PTPRJ: variants seen among roughly 807,000 people sequenced by gnomAD.
The protein encoded by PTPRJ is protein tyrosine phosphatase receptor type J.
PTPRJ carries 129 observed loss-of-function variants against 141.3 expected under a neutral mutation model. The ratio of observed to expected loss-of-function variants is 0.91; its 90% confidence interval spans 0.79 to 1.06. PTPRJ has a LOEUF of 1.06. Among genes scored for constraint, PTPRJ ranks in the 50% least tolerant of loss-of-function variants. The pLI is 0.00. For missense variants in PTPRJ, 1,601 were observed against 1,679.7 expected, an observed-to-expected ratio of 0.95 and a Z score of 0.82; for synonymous variants, 610 against 640.5, an observed-to-expected ratio of 0.95 and a Z score of 0.72.
At chr11:47,989,541 G>A (rs1048547034) in intron 1 of PTPRJ, among the ~76,000 whole-genome samples, 2 of 151,470 alleles carry the variant, frequency 1.3e-5, no homozygotes. Flanking sequence ...GCCTCCCAAA[G>A]TGCTGAGATT....
At chr11:48,056,674 C>T (rs1472358096) in intron 1 of PTPRJ, among the ~76,000 whole-genome samples, 1 of 152,156 alleles carries the variant, frequency 6.6e-6, no homozygotes, top group Admixed American at 6.5e-5. Flanking sequence ...ACTCGGCAGC[C>T]AGGTGTGGTG....
At chr11:48,027,702 G>T (rs1853857730) in intron 1 of PTPRJ, among the ~76,000 whole-genome samples, 1 of 141,698 alleles carries the variant, frequency 7.1e-6, no homozygotes, top group East Asian at 2.3e-4. Flanking sequence ...TGAGGCGGGA[G>T]AATTGTTTGA....
At position 48,035,538 on chromosome 11, in the gene PTPRJ, C is replaced by CTTTTTTTT. The variant is rs66504227; in HGVS notation, c.96+54550_96+54557dup. On this transcript the variant is annotated intron_variant, in intron 1 of 24. Coordinates refer to ENST00000418331, the MANE Select transcript of PTPRJ (RefSeq NM_002843.4). ...TTTCTTTTCTTTTTTCTTTCTTCTT[C>CTTTTTTTT]TTTTTTTTTTTTTTTTTTTTTTTTT... 3.8e-3 allele frequency among the ~76,000 whole-genome samples: 235 copies of CTTTTTTTT among 61,726 alleles called. 1 individual carries two copies. The highest frequency in any genetic ancestry group is 4.5e-3 in the Non-Finnish European group (151 of 33,804). 40.5% of individuals were successfully genotyped at this position (61,726 alleles called of 152,430 possible).
rs189460553 is a variant in PTPRJ at position 48,003,558 on chromosome 11, C to T, written c.96+22550C>T. On this transcript the variant is annotated intron_variant, in intron 1 of 24. Coordinates refer to ENST00000418331, the MANE Select transcript of PTPRJ (RefSeq NM_002843.4). The stretch of plus-strand genomic sequence containing the variant: ...TCTCCCAGGCTGGAGTGCTGTGGCA[C>T]GATCTTGGTTCACTGCAACGTCCGC... 4.0e-3 allele frequency among the ~76,000 whole-genome samples: 613 copies of T among 152,214 alleles called. 2 individuals are homozygous for T. Among genetic ancestry groups the T allele is most frequent in the African/African-American group, 0.014 (564 of 41,532 alleles).
intron 19 of PTPRJ, among the ~76,000 whole-genome samples, chr11:48,154,170 A>G (rs1297045478): frequency 1.3e-5 from 2 of 152,264 alleles, no homozygotes; most frequent in Non-Finnish European, 2.9e-5. Flanking sequence ...CCAAGGTTAC[A>G]CAGGTAGTGA....
chr11:48,061,268 G>T (rs1199174681), intron 1 of PTPRJ, among the ~76,000 whole-genome samples: 2 of 152,178 alleles, frequency 1.3e-5, no homozygotes, highest in Non-Finnish European at 2.9e-5. Flanking sequence ...GAGCCACTGT[G>T]CCTGGCCCTC....
chr11:48,069,103 CT>C (rs150807752), intron 1 of PTPRJ, among the ~76,000 whole-genome samples: 13,540 of 142,688 alleles, frequency 0.095, 1,057 homozygotes, highest in African/African-American at 0.22. Context: ...TTCAAATGTT[CT>C]TTTTTTTTTT....
At chr11:48,147,548 A>T (rs996480497) in intron 15 of PTPRJ, among the ~76,000 whole-genome samples, 4 of 152,214 alleles carry the variant, frequency 2.6e-5, no homozygotes, top group African/African-American at 9.6e-5. Flanking sequence ...GAATTATCGC[A>T]TGCATGAGGC....
chr11:48,103,331 CAT>C (rs779030873), intron 1 of PTPRJ, among the ~76,000 whole-genome samples: 6 of 152,190 alleles, frequency 3.9e-5, no homozygotes, highest in Admixed American at 2.0e-4. Context: ...TAGTGGGACA[CAT>C]GTGTAGTTTG....
chr11:48,157,785 A>G (rs1415507882), intron 21 of PTPRJ, among the ~76,000 whole-genome samples: 1 of 152,208 alleles, frequency 6.6e-6, no homozygotes, highest in Admixed American at 6.5e-5. Flanking sequence ...GTTGCTTGTG[A>G]TAGAGGGTGG....
At chr11:48,103,360 G>A (rs534945422) in intron 1 of PTPRJ, among the ~76,000 whole-genome samples, 3 of 152,226 alleles carry the variant, frequency 2.0e-5, no homozygotes, top group Non-Finnish European at 4.4e-5. Context: ...TCGGAAGGCT[G>A]AGGCTGGGGG....
intron 1 of PTPRJ, among the ~76,000 whole-genome samples, chr11:47,995,466 G>A (rs1854310303): frequency 6.6e-6 from 1 of 152,194 alleles, no homozygotes; most frequent in Non-Finnish European, 1.5e-5. Context: ...CAGGTGGGAA[G>A]GCTGTCTTTC....
intron 19 of PTPRJ, among the ~76,000 whole-genome samples, chr11:48,155,065 C>G (rs1288448799): frequency 6.6e-6 from 1 of 152,176 alleles, no homozygotes; most frequent in South Asian, 2.1e-4. Context: ...CTGACACTTG[C>G]AGTTCTAAGG....
At chr11:48,010,189 T>C (rs979937648) in intron 1 of PTPRJ, among the ~76,000 whole-genome samples, 61 of 152,068 alleles carry the variant, frequency 4.0e-4, no homozygotes, top group African/African-American at 1.2e-3. Flanking sequence ...ATTTATTTAT[T>C]TTTTTTGAGA....
At position 48,099,804 on chromosome 11, in the gene PTPRJ, T is replaced by G. The variant is rs541474429; in HGVS notation, c.97-10254T>G. ...GGGTTTGCCTTGAATTTGTTTTGCC[T>G]TTGCTGATGGTTGTATTTAGGTTAT... On this transcript the variant is annotated intron_variant, in intron 1 of 24. Transcript: ENST00000418331. 9.3e-4 allele frequency among the ~76,000 whole-genome samples: 142 copies of G among 152,294 alleles called. 1 individual carries two copies. The highest frequency in any genetic ancestry group is 3.4e-3 in the African/African-American group (141 of 41,568).
chr11:48,123,896 C>T lies in PTPRJ; in HGVS notation c.874+26C>T, dbSNP rs753779653. Reference sequence around the variant, plus strand: ...GTGAGTTACAAAGGGTACCTTCCGTCTCCCTTACTGGTTCTTACTTTCAGT... The same window carrying T: ...GTGAGTTACAAAGGGTACCTTCCGTTTCCCTTACTGGTTCTTACTTTCAGT... On this transcript the variant is annotated intron_variant, in intron 5 of 24. Coordinates refer to ENST00000418331, the MANE Select transcript of PTPRJ (RefSeq NM_002843.4). 5.0e-6 allele frequency: 8 copies of T among 1,604,138 alleles called. No homozygotes were observed. The Admixed American group carries it at 1.4e-4, about 27-fold the overall frequency.
In PTPRJ at chr11:48,110,086, C is replaced by G. The variant is rs1856401164; in HGVS notation, c.115+10C>G. 1.2e-6 allele frequency: 2 copies of G among 1,612,656 alleles called. No homozygotes were observed. Among genetic ancestry groups the G allele is most frequent in the Admixed American group, 1.7e-5 (1 of 59,996 alleles). The stretch of plus-strand genomic sequence containing the variant: ...CTGTGCGCAGGTGGCAGTGAGTACC[C>G]TTTTCCTCTCTATTCTTGTGTTGTT... On this transcript the variant is annotated intron_variant, in intron 2 of 24. Coordinates refer to ENST00000418331, the MANE Select transcript of PTPRJ (RefSeq NM_002843.4).
intron 8 of PTPRJ, chr11:48,132,246 C>A: frequency 4.1e-6 from 4 of 985,302 alleles, no homozygotes; most frequent in Non-Finnish European, 4.8e-6. Context: ...TTGATAAAAT[C>A]ATTTTATAGT....
chr11:48,019,006 C>G (rs556599107), intron 1 of PTPRJ, among the ~76,000 whole-genome samples: 1 of 151,870 alleles, frequency 6.6e-6, no homozygotes, highest in South Asian at 2.1e-4. Flanking sequence ...TGTGCGTGTA[C>G]GTGCGTGTGT....
Sources: allele counts gnomAD v4.1 joint callset (sites outside exome capture counted in the v4.1 genomes callset), GRCh38; gene constraint gnomAD v4.1.1; transcripts MANE v1.5; gene names NCBI Gene and HGNC (gene_info 2026-07-23, HGNC 2026-07-21).